Variants in ADAMTS18 observed in about 807,000 individuals in gnomAD.
ADAMTS18 encodes ADAM metallopeptidase with thrombospondin type 1 motif 18.
A neutral mutation model predicts 165.9 loss-of-function variants in ADAMTS18; 157 were observed. The observed-to-expected ratio is 0.95, with a 90% confidence interval of 0.83 to 1.08. The LOEUF is 1.08. ADAMTS18 is among the 50% of genes least tolerant of loss of function. The probability of loss-of-function intolerance (pLI) is 0.00; values close to 1 mark genes in which losing one functional copy is unlikely to be tolerated. For missense variants in ADAMTS18, 2,040 were observed against 1,534.0 expected, an observed-to-expected ratio of 1.33 and a Z score of -5.51; for synonymous variants, 782 against 578.2, an observed-to-expected ratio of 1.35 and a Z score of -5.06.
intron 16 of ADAMTS18, among the ~76,000 whole-genome samples, chr16:77,314,778 A>ATATATATATATATATATATATG (rs1366859577): frequency 1.2e-5 from 1 of 85,510 alleles, no homozygotes; most frequent in Non-Finnish European, 2.4e-5. Flanking sequence ...ATATATATAT[A>ATATATATATATATATATATATG]TATATATAAA....
chr16:77,361,262 G>C (rs2056709122), intron 7 of ADAMTS18, among the ~76,000 whole-genome samples: 1 of 152,090 alleles, frequency 6.6e-6, no homozygotes, highest in South Asian at 2.1e-4. Flanking sequence ...AAAGTTTGCT[G>C]ACTCCTGATT....
chr16:77,381,144 G>C (rs12600056), intron 3 of ADAMTS18, among the ~76,000 whole-genome samples: 13,093 of 152,186 alleles, frequency 0.086, 759 homozygotes, highest in East Asian at 0.25. Flanking sequence ...ACAGAGCTGG[G>C]ATTAGAGGCG....
Position 77,294,064 on chromosome 16 carries a change from A to G in ADAMTS18, c.3007-806T>C, listed in dbSNP as rs181862437. ...CACCCTCCAGCATGTAATATACGCT[A>G]AAGGAAAACACAGAAGAACTGTCAT... is the stretch of plus-strand genomic sequence containing the variant. On this transcript the variant is annotated intron_variant, in intron 19 of 22. Coordinates refer to ENST00000282849, the MANE Select transcript of ADAMTS18 (RefSeq NM_199355.4). Among the ~76,000 whole-genome samples, 1,144 of 126,712 alleles carry G rather than the reference A, an allele frequency of 9.0e-3. 8 individuals carry two copies. Among genetic ancestry groups the G allele is most frequent in the Non-Finnish European group, 0.015 (781 of 50,794 alleles). The allele number at this position is 126,712 out of a possible 152,430, so 83.1% of individuals were successfully genotyped here. A position where few individuals can be genotyped will look rare whatever the true frequency, so the allele number is the denominator to read the frequency against.
intron 3 of ADAMTS18, among the ~76,000 whole-genome samples, chr16:77,421,157 G>A (rs745347592): frequency 6.6e-6 from 1 of 152,180 alleles, no homozygotes; most frequent in Non-Finnish European, 1.5e-5. Context: ...CCCAAGCTCA[G>A]CAGCATGAAA....
chr16:77,343,907 C>G (rs1213957055), intron 10 of ADAMTS18, among the ~76,000 whole-genome samples: 1 of 151,754 alleles, frequency 6.6e-6, no homozygotes, highest in South Asian at 2.1e-4. Flanking sequence ...TATAAGCAAC[C>G]AGAGAGGAGA....
At chr16:77,330,390 G>T (rs547303839) in intron 12 of ADAMTS18, among the ~76,000 whole-genome samples, 1 of 152,166 alleles carries the variant, frequency 6.6e-6, no homozygotes, top group African/African-American at 2.4e-5. Flanking sequence ...AATGAAAAAT[G>T]TCAAAGGATT....
intron 16 of ADAMTS18, among the ~76,000 whole-genome samples, chr16:77,317,377 A>C (rs1291926588): frequency 6.6e-6 from 1 of 152,168 alleles, no homozygotes; most frequent in Non-Finnish European, 1.5e-5. Context: ...TCTTTTGCCC[A>C]GGCTAGAGTG....
chr16:77,390,122 G>A (rs1017563897), intron 3 of ADAMTS18, among the ~76,000 whole-genome samples: 1 of 152,058 alleles, frequency 6.6e-6, no homozygotes, highest in Non-Finnish European at 1.5e-5. Flanking sequence ...CACTGTGGAG[G>A]ATGGATTAAA....
At chr16:77,362,473 A>C (rs2056730147) in intron 6 of ADAMTS18, among the ~76,000 whole-genome samples, 1 of 152,258 alleles carries the variant, frequency 6.6e-6, no homozygotes, top group African/African-American at 2.4e-5. Context: ...AGTGTGATTT[A>C]TGATTGATCA....
chr16:77,304,984 G>A (rs946072820), intron 16 of ADAMTS18, among the ~76,000 whole-genome samples: 2 of 152,162 alleles, frequency 1.3e-5, no homozygotes, highest in African/African-American at 4.8e-5. Context: ...AAATTCACAT[G>A]CAGAGTTCAA....
At chr16:77,284,755 TC>T (rs2055215887) in intron 22 of ADAMTS18, among the ~76,000 whole-genome samples, 1 of 152,136 alleles carries the variant, frequency 6.6e-6, no homozygotes, top group African/African-American at 2.4e-5. Context: ...GCTTTAGGGA[TC>T]CCCTAAGGAT....
chr16:77,325,961 T>C lies in ADAMTS18; in HGVS notation c.1937A>G (p.Asn646Ser). ...CTGTTGAGCCCGAAAATCCAAGCTA[T>C]TTTCATTGCAAGGGTTAATATTGCA... The part of the protein sequence containing the change: ...QLCNINPCNE[N>S]SLDFRAQQCA... Residue 646 changes from asparagine (N) to serine (S), a missense_variant, in exon 13 of 23, where the codon AAT becomes AGT. By Grantham distance (46) the Asn-to-Ser change is conservative. Coordinates refer to ENST00000282849, the MANE Select transcript of ADAMTS18 (RefSeq NM_199355.4). 1 of 1,614,078 alleles carries C rather than the reference T, an allele frequency of 6.2e-7. No individual in the cohort carries two copies. The highest frequency in any genetic ancestry group is 8.5e-7 in the Non-Finnish European group (1 of 1,179,980).
chr16:77,382,249 T>C (rs907680293), intron 3 of ADAMTS18, among the ~76,000 whole-genome samples: 6 of 152,200 alleles, frequency 3.9e-5, no homozygotes, highest in Non-Finnish European at 8.8e-5. Flanking sequence ...GTCGCTCTGT[T>C]GCCCAGGCTG....
At chr16:77,381,670 C>A (rs770347860) in intron 3 of ADAMTS18, among the ~76,000 whole-genome samples, 1 of 152,100 alleles carries the variant, frequency 6.6e-6, no homozygotes, top group East Asian at 1.9e-4. Context: ...GCTGTAGTGA[C>A]GCACGCCTGT....
intron 12 of ADAMTS18, among the ~76,000 whole-genome samples, chr16:77,330,545 C>T (rs2056171179): frequency 6.6e-6 from 1 of 152,144 alleles, no homozygotes; most frequent in Non-Finnish European, 1.5e-5. Context: ...ACTCACGTGT[C>T]AGTTCTAACC....
intron 19 of ADAMTS18, among the ~76,000 whole-genome samples, chr16:77,293,796 G>A (rs968245049): frequency 1.8e-4 from 27 of 149,094 alleles, no homozygotes; most frequent in African/African-American, 6.7e-4. Flanking sequence ...TTCACAACAG[G>A]GTTCAAACTC....
At chr16:77,392,860 T>C (rs562337741) in intron 3 of ADAMTS18, among the ~76,000 whole-genome samples, 1 of 152,312 alleles carries the variant, frequency 6.6e-6, no homozygotes, top group South Asian at 2.1e-4. Context: ...AGGCAATAAA[T>C]GAGAAGGCGT....
intron 15 of ADAMTS18, 148 bp downstream of exon 15, chr16:77,320,931 C>G (rs1421702369): frequency 5.1e-6 from 5 of 979,206 alleles, no homozygotes; most frequent in African/African-American, 4.8e-5. Flanking sequence ...ACAACTATCT[C>G]CCTTACTCTT....
chr16:77,353,585 A>T, intron 10 of ADAMTS18, 148 bp downstream of exon 10: 1 of 1,076,624 alleles, frequency 9.3e-7, no homozygotes, highest in Non-Finnish European at 1.4e-6. Flanking sequence ...TAAAATTGCC[A>T]CTTAATTATC....
Sources: gnomAD v4.1 joint callset for allele counts (sites outside exome capture counted in the v4.1 genomes callset) on GRCh38, gnomAD v4.1.1 for gene constraint, MANE v1.5 for transcripts, NCBI Gene and HGNC (gene_info 2026-07-23, HGNC 2026-07-21) for gene names.